Variants in BAIAP2L1 observed in about 807,000 individuals in gnomAD.
The protein encoded by BAIAP2L1 is BAR/IMD domain containing adaptor protein 2 like 1, also known as BAR/IMD domain-containing adapter protein 2-like 1.
Under a neutral mutation model 66.3 loss-of-function variants are expected in BAIAP2L1, and 35 were observed. The observed-to-expected ratio is 0.53, with a 90% CI of 0.40 to 0.70. The LOEUF (loss-of-function observed/expected upper bound fraction) is 0.70, where lower values mean the gene tolerates loss of function less well. Among genes scored for constraint, BAIAP2L1 ranks in the 30% least tolerant of loss-of-function variants. BAIAP2L1 has a pLI of 0.00. For synonymous variants in BAIAP2L1, 269 were observed against 248.7 expected, an observed-to-expected ratio of 1.08 and a Z score of -0.77; for missense variants, 622 against 656.9, an observed-to-expected ratio of 0.95 and a Z score of 0.58.
intron 11 of BAIAP2L1, 65 bp downstream of exon 11, chr7:98,306,374 G>C: frequency 6.4e-7 from 1 of 1,574,550 alleles, no homozygotes; most frequent in Non-Finnish European, 8.7e-7. Flanking sequence ...AGATGGTGGT[G>C]TGTTACAGAA....
intron 3 of BAIAP2L1, among the ~76,000 whole-genome samples, chr7:98,351,775 GGCAAAAGCATCCTACATTATTCACACA>G (rs1400902177): frequency 6.6e-6 from 1 of 152,102 alleles, no homozygotes; most frequent in Non-Finnish European, 1.5e-5. Flanking sequence ...TTTACTTTTA[GGCAAAAGCATCCTACATTATTCACACA>G]GCAGTGAGTG....
At chr7:98,384,538 A>G (rs1584502437) in intron 1 of BAIAP2L1, among the ~76,000 whole-genome samples, 2 of 152,304 alleles carry the variant, frequency 1.3e-5, no homozygotes, top group Middle Eastern at 6.8e-3. Flanking sequence ...TTGTTTAGAA[A>G]GCCCCAGAGC....
intron 1 of BAIAP2L1, among the ~76,000 whole-genome samples, chr7:98,391,950 T>C (rs528624188): frequency 1.1e-4 from 16 of 152,242 alleles, no homozygotes; most frequent in African/African-American, 3.9e-4. Context: ...TTCTGGCCAA[T>C]GTCCATATTC....
At chr7:98,359,015 G>A (rs1265472781) in intron 2 of BAIAP2L1, among the ~76,000 whole-genome samples, 10 of 152,184 alleles carry the variant, frequency 6.6e-5, no homozygotes, top group Non-Finnish European at 2.9e-5. Flanking sequence ...CACTGCTACT[G>A]AGTGAGGACA....
At position 98,370,107 on chromosome 7, in the gene BAIAP2L1, A is replaced by G. The variant is rs979200942; in HGVS notation, c.52-7675T>C. On this transcript the variant is annotated intron_variant, in intron 1 of 13. Coordinates refer to ENST00000005260, the MANE Select transcript of BAIAP2L1 (RefSeq NM_018842.5). Reference sequence around the variant, plus strand: ...ATCCAAATGATTCTACCAGAGGGGGAAAAAAAAAAGTTCAACTAAGACTTG... The same window carrying G: ...ATCCAAATGATTCTACCAGAGGGGGGAAAAAAAAAGTTCAACTAAGACTTG... Among the ~76,000 whole-genome samples, 76 of 149,700 alleles carry G rather than the reference A, an allele frequency of 5.1e-4. 1 individual carries two copies. The highest frequency in any genetic ancestry group is 1.0e-3 in the African/African-American group (42 of 40,830).
intron 1 of BAIAP2L1, among the ~76,000 whole-genome samples, chr7:98,367,656 C>G (rs1331085254): frequency 6.6e-6 from 1 of 151,796 alleles, no homozygotes; most frequent in Non-Finnish European, 1.5e-5. Context: ...CTGCCTCAGC[C>G]TCCCGAGTAG....
intron 3 of BAIAP2L1, among the ~76,000 whole-genome samples, chr7:98,326,090 C>T (rs1213575395): frequency 2.0e-5 from 3 of 152,116 alleles, no homozygotes; most frequent in Non-Finnish European, 4.4e-5. Flanking sequence ...GGGGATGGGC[C>T]ACACAGTGAA....
chr7:98,375,814 G>A (rs1802614275), intron 1 of BAIAP2L1, among the ~76,000 whole-genome samples: 1 of 150,916 alleles, frequency 6.6e-6, no homozygotes, highest in African/African-American at 2.4e-5. Flanking sequence ...TCCCTTTGCT[G>A]AAAAAGCACT....
Position 98,365,097 on chromosome 7 carries a change from A to G in BAIAP2L1, c.52-2665T>C, listed in dbSNP as rs534992141. On this transcript the variant is annotated intron_variant, in intron 1 of 13. Transcript: ENST00000005260. ...TTTCTTCCTATGTGACTTTTTTTTA[A>G]AGCTTATTTCTGGAAGCCTTCTCTT... 8.2e-5 allele frequency among the ~76,000 whole-genome samples: 12 copies of G among 147,094 alleles called. No homozygotes were observed. In the South Asian group the frequency reaches 2.6e-3, roughly 31 times the overall value.
intron 3 of BAIAP2L1, among the ~76,000 whole-genome samples, chr7:98,330,702 T>C (rs1030632611): frequency 9.2e-5 from 14 of 152,148 alleles, no homozygotes; most frequent in African/African-American, 2.9e-4. Context: ...TATTTGGCTC[T>C]GGGTTCTGCG....
intron 9 of BAIAP2L1, 108 bp from the exon 10 acceptor site, chr7:98,308,004 G>T: frequency 9.3e-7 from 1 of 1,072,510 alleles, no homozygotes; most frequent in Non-Finnish European, 1.4e-6. Context: ...TGCCAACAAT[G>T]CTCCTTCCAC....
intron 1 of BAIAP2L1, among the ~76,000 whole-genome samples, chr7:98,399,333 G>A (rs201189468): frequency 4.6e-5 from 7 of 152,076 alleles, no homozygotes; most frequent in East Asian, 1.9e-4. Flanking sequence ...TAAGATAAAC[G>A]GAACGGATCT....
chr7:98,318,586 G>A (rs1801150051), intron 5 of BAIAP2L1, among the ~76,000 whole-genome samples: 2 of 151,708 alleles, frequency 1.3e-5, no homozygotes, highest in Non-Finnish European at 2.9e-5. Context: ...GTGAACACAG[G>A]GTCTTAAACG....
At chr7:98,363,534 G>T (rs1181642911) in intron 1 of BAIAP2L1, among the ~76,000 whole-genome samples, 5 of 152,152 alleles carry the variant, frequency 3.3e-5, no homozygotes, top group African/African-American at 4.8e-5. Context: ...CAAATGCTAG[G>T]ACAAGTATAA....
At chr7:98,357,190 T>G (rs1802156614) in intron 2 of BAIAP2L1, among the ~76,000 whole-genome samples, 1 of 149,028 alleles carries the variant, frequency 6.7e-6, no homozygotes, top group Non-Finnish European at 1.5e-5. Flanking sequence ...TTAATTCATG[T>G]GCAGGTCCAG....
intron 12 of BAIAP2L1, among the ~76,000 whole-genome samples, chr7:98,298,053 G>A (rs962176855): frequency 6.6e-6 from 1 of 151,744 alleles, no homozygotes; most frequent in African/African-American, 2.4e-5. Flanking sequence ...CAACATAACA[G>A]GATCTTATCA....
chr7:98,292,924 C>T lies in BAIAP2L1; in HGVS notation c.*597G>A, dbSNP rs920208766. 10 of 1,374,220 alleles carry T rather than the reference C, an allele frequency of 7.3e-6. No homozygotes were observed. Among genetic ancestry groups the T allele is most frequent in the East Asian group, 2.8e-5 (1 of 36,356 alleles). 85.1% of individuals were successfully genotyped at this position (1,374,220 alleles called of 1,614,324 possible). On this transcript the variant is annotated 3_prime_UTR_variant, in exon 14 of 14. Coordinates refer to ENST00000005260, the MANE Select transcript of BAIAP2L1 (RefSeq NM_018842.5). ...GTGGCTGTGATAAGGGCAGGCAAAGCGTCTTAGCACTCTACAGCTCTGGCG... is the reference window on the plus strand; with the variant it reads ...GTGGCTGTGATAAGGGCAGGCAAAGTGTCTTAGCACTCTACAGCTCTGGCG...
At chr7:98,320,375 G>T in intron 3 of BAIAP2L1, 77 bp from the exon 4 acceptor site, 1 of 1,171,680 alleles carries the variant, frequency 8.5e-7, no homozygotes, top group Non-Finnish European at 1.2e-6. Context: ...TTGCTCTGTC[G>T]CCCAGGCTGG....
intron 3 of BAIAP2L1, among the ~76,000 whole-genome samples, chr7:98,338,488 C>G (rs894557023): frequency 4.0e-5 from 6 of 151,734 alleles, no homozygotes; most frequent in African/African-American, 1.2e-4. Flanking sequence ...TCGCATGAAG[C>G]CTCAAAATCT....
Sources: allele counts gnomAD v4.1 joint callset (sites outside exome capture counted in the v4.1 genomes callset), GRCh38; gene constraint gnomAD v4.1.1; transcripts MANE v1.5; gene names NCBI Gene and HGNC (gene_info 2026-07-23, HGNC 2026-07-21).